IGF1R: variants seen among roughly 807,000 people sequenced by gnomAD.
IGF1R encodes insulin like growth factor 1 receptor.
IGF1R carries 44 observed loss-of-function variants against 144.6 expected under a neutral mutation model. The ratio of observed to expected loss-of-function variants is 0.30; its 90% CI spans 0.24 to 0.39. The LOEUF (loss-of-function observed/expected upper bound fraction) is 0.39, where lower values mean the gene tolerates loss of function less well. Among genes scored for constraint, IGF1R ranks in the 10% least tolerant of loss-of-function variants. The pLI, the probability that IGF1R is intolerant of heterozygous loss-of-function variation, is 1.00. For missense variants in IGF1R, 1,355 were observed against 1,833.7 expected (o/e 0.74, Z 4.77); for synonymous variants, 795 against 722.8 (o/e 1.10, Z -1.60).
At chr15:98,703,297 G>C (rs1290305205) in intron 1 of IGF1R, among the ~76,000 whole-genome samples, 1 of 152,070 alleles carries the variant, frequency 6.6e-6, no homozygotes, top group East Asian at 1.9e-4. Flanking sequence ...AGCCACAAAG[G>C]GTGTGTCTCT....
chr15:98,724,700 T>G (rs1325259814), intron 2 of IGF1R, among the ~76,000 whole-genome samples: 1 of 152,186 alleles, frequency 6.6e-6, no homozygotes, highest in Non-Finnish European at 1.5e-5. Flanking sequence ...CGTGCTCTGA[T>G]GTAGAAAGCA....
rs886051566 is a variant in IGF1R, at chr15:98,958,082, C to T, written c.*640C>T. The T allele has an allele frequency of 3.8e-5, 9 of 233,892 alleles. No individual in the cohort carries two copies. The highest frequency in any genetic ancestry group is 1.8e-4 in the East Asian group (3 of 16,572). 14.5% of individuals were successfully genotyped at this position (233,892 alleles called of 1,614,324 possible). A position where few individuals can be genotyped will look rare whatever the true frequency, so the allele number is the denominator to read the frequency against. The stretch of plus-strand genomic sequence containing the variant: ...CGGCCCGGCGCTGATTCCTCGTGTC[C>T]GGAGGCATGGGTGAGCATGGCAGCT... On this transcript the variant is annotated 3_prime_UTR_variant, in exon 21 of 21. Transcript: ENST00000650285.
chr15:98,897,036 C>T (rs1017017820), intron 4 of IGF1R, 131 bp downstream of exon 4: 41 of 794,010 alleles, frequency 5.2e-5, no homozygotes, highest in Admixed American at 4.7e-4. Flanking sequence ...GTAAGCCTCA[C>T]GCATGACGTC....
intron 13 of IGF1R, among the ~76,000 whole-genome samples, chr15:98,925,977 G>C (rs1355143906): frequency 6.6e-6 from 1 of 152,038 alleles, no homozygotes; most frequent in Non-Finnish European, 1.5e-5. Context: ...TATTTCCAAA[G>C]GCAATGAAAT....
At chr15:98,722,462 A>C (rs2054268073) in intron 2 of IGF1R, among the ~76,000 whole-genome samples, 2 of 152,046 alleles carry the variant, frequency 1.3e-5, no homozygotes, top group African/African-American at 4.8e-5. Flanking sequence ...AGGCATTTGG[A>C]ATGTGGAGTA....
intron 2 of IGF1R, among the ~76,000 whole-genome samples, chr15:98,858,363 C>G (rs1440807936): frequency 6.6e-6 from 1 of 152,150 alleles, no homozygotes; most frequent in Non-Finnish European, 1.5e-5. Context: ...TTCATTTTGT[C>G]TTCATTCCTT....
At chr15:98,914,505 C>T (rs1364818232) in intron 8 of IGF1R, among the ~76,000 whole-genome samples, 1 of 152,208 alleles carries the variant, frequency 6.6e-6, no homozygotes, top group East Asian at 1.9e-4. Flanking sequence ...AGTCATGTCA[C>T]TGGGTAAAGT....
At chr15:98,847,214 T>C (rs889823765) in intron 2 of IGF1R, among the ~76,000 whole-genome samples, 2 of 152,188 alleles carry the variant, frequency 1.3e-5, no homozygotes, top group African/African-American at 4.8e-5. Flanking sequence ...TGACCTCAAG[T>C]GATCCTTCTG....
At chr15:98,917,179 G>T (rs2015292987) in intron 10 of IGF1R, among the ~76,000 whole-genome samples, 1 of 152,144 alleles carries the variant, frequency 6.6e-6, no homozygotes, top group Admixed American at 6.5e-5. Context: ...GCAGGGAGGG[G>T]AAACTCAAAG....
intron 2 of IGF1R, among the ~76,000 whole-genome samples, chr15:98,850,168 C>T (rs1215419744): frequency 6.6e-6 from 1 of 152,196 alleles, no homozygotes; most frequent in Non-Finnish European, 1.5e-5. Flanking sequence ...GGTGATAGCT[C>T]CCAAGCTTAT....
At chr15:98,650,272 A>G (rs2052323070) in intron 1 of IGF1R, among the ~76,000 whole-genome samples, 1 of 152,022 alleles carries the variant, frequency 6.6e-6, no homozygotes, top group South Asian at 2.1e-4. Context: ...CCCGTCGCCC[A>G]ACGTGCTTTT....
intron 2 of IGF1R, among the ~76,000 whole-genome samples, chr15:98,847,124 G>A (rs1244239026): frequency 2.0e-5 from 3 of 152,006 alleles, no homozygotes; most frequent in South Asian, 2.1e-4. Context: ...TTTCAGGCAC[G>A]TACCACCATG....
intron 10 of IGF1R, among the ~76,000 whole-genome samples, chr15:98,919,544 G>A (rs370887338): frequency 6.6e-6 from 1 of 152,204 alleles, no homozygotes; most frequent in Admixed American, 6.5e-5. Context: ...GCAGAGCTGT[G>A]ATTGACATGT....
intron 2 of IGF1R, among the ~76,000 whole-genome samples, chr15:98,754,501 C>G (rs1396088503): frequency 2.0e-5 from 3 of 152,150 alleles, no homozygotes; most frequent in Admixed American, 2.0e-4. Flanking sequence ...AACATGAAAA[C>G]TGAGGACCAC....
chr15:98,805,953 C>G (rs907800927), intron 2 of IGF1R, among the ~76,000 whole-genome samples: 1 of 152,102 alleles, frequency 6.6e-6, no homozygotes, highest in Non-Finnish European at 1.5e-5. Context: ...GGGTTCAGTC[C>G]CACGAGTCTG....
intron 13 of IGF1R, 113 bp from the exon 14 acceptor site, chr15:98,929,445 G>T: frequency 1.3e-6 from 1 of 799,566 alleles, no homozygotes; most frequent in Non-Finnish European, 2.2e-6. Flanking sequence ...TGTATGATGG[G>T]GAGTAAACGA....
chr15:98,844,989 G>T (rs2011256064), intron 2 of IGF1R, among the ~76,000 whole-genome samples: 1 of 152,128 alleles, frequency 6.6e-6, no homozygotes, highest in African/African-American at 2.4e-5. Flanking sequence ...GAAGTTCAAA[G>T]ACATCATCAG....
At chr15:98,907,739 A>G (rs951321873) in intron 5 of IGF1R, among the ~76,000 whole-genome samples, 9 of 152,214 alleles carry the variant, frequency 5.9e-5, no homozygotes, top group Non-Finnish European at 1.0e-4. Context: ...CCACCTGGGT[A>G]GCCAGATAGA....
chr15:98,755,718 C>CAAAAAAAAA lies in IGF1R; in HGVS notation c.640+47638_640+47646dup, dbSNP rs56121011. ...TGAATGACAGAGCAAAACTCCATTG[C>CAAAAAAAAA]AAAAAAAAAAAAAAAAAAAAAAAAA... On this transcript the variant is annotated intron_variant, in intron 2 of 20. Transcript: ENST00000650285. Among the ~76,000 whole-genome samples, 28 of 34,496 alleles carry CAAAAAAAAA rather than the reference C, an allele frequency of 8.1e-4. 3 individuals carry two copies. The highest frequency in any genetic ancestry group is 3.3e-3 in the African/African-American group (21 of 6,440). 22.6% of individuals were successfully genotyped at this position (34,496 alleles called of 152,430 possible).
Sources: gnomAD v4.1 joint callset for allele counts (sites outside exome capture counted in the v4.1 genomes callset) on GRCh38, gnomAD v4.1.1 for gene constraint, MANE v1.5 for transcripts, NCBI Gene and HGNC (gene_info 2026-07-23, HGNC 2026-07-21) for gene names.